Variants in CACNA2D1 observed in about 807,000 individuals in gnomAD.
The protein encoded by CACNA2D1 is voltage-dependent calcium channel subunit alpha-2/delta-1.
A neutral mutation model predicts 171.5 loss-of-function variants in CACNA2D1; 53 were observed. The ratio of observed to expected loss-of-function variants is 0.31; its 90% CI spans 0.25 to 0.39. CACNA2D1 has a LOEUF of 0.39. Among genes scored for constraint, CACNA2D1 ranks in the 10% least tolerant of loss-of-function variants. The probability of loss-of-function intolerance (pLI) is 1.00; values close to 1 mark genes in which losing one functional copy is unlikely to be tolerated. For synonymous variants in CACNA2D1, 442 were observed against 443.1 expected, an observed-to-expected ratio of 1.00 and a Z score of 0.03; for missense variants, 903 against 1,299.8, an observed-to-expected ratio of 0.69 and a Z score of 4.69.
At position 82,044,068 on chromosome 7, in the gene CACNA2D1, T is replaced by C. The variant is rs548395806; in HGVS notation, c.880-5833A>G. On this transcript the variant is annotated intron_variant, in intron 10 of 38. Coordinates refer to ENST00000356860, the MANE Select transcript of CACNA2D1 (RefSeq NM_000722.4). ...TTAAAATTATTTTTAGTTTTAAAAATGAGAAAGGGTCTTACTATTTTGCCC... is the reference window on the plus strand; with the variant it reads ...TTAAAATTATTTTTAGTTTTAAAAACGAGAAAGGGTCTTACTATTTTGCCC... Among the ~76,000 whole-genome samples the C allele has an allele frequency of 2.4e-4, 36 of 152,168 alleles. 1 individual carries two copies. Among genetic ancestry groups the C allele is most frequent in the Non-Finnish European group, 4.9e-4 (33 of 68,018 alleles).
chr7:82,108,416 G>A (rs371743037), intron 6 of CACNA2D1, among the ~76,000 whole-genome samples: 21 of 152,210 alleles, frequency 1.4e-4, no homozygotes, highest in African/African-American at 4.8e-4. Flanking sequence ...TTCAGATTGA[G>A]GCCCGCTTTT....
intron 3 of CACNA2D1, among the ~76,000 whole-genome samples, chr7:82,295,854 C>G (rs1199256486): frequency 6.6e-6 from 1 of 151,866 alleles, no homozygotes; most frequent in African/African-American, 2.4e-5. Context: ...GACTTGGAAC[C>G]AACCCAAATG....
intron 24 of CACNA2D1, among the ~76,000 whole-genome samples, chr7:81,981,510 A>T (rs1796444094): frequency 6.6e-6 from 1 of 152,218 alleles, no homozygotes; most frequent in Non-Finnish European, 1.5e-5. Context: ...TCCTTTTGCA[A>T]GAATTAAAGG....
At chr7:82,325,784 C>A (rs1339152410) in intron 3 of CACNA2D1, among the ~76,000 whole-genome samples, 2 of 152,144 alleles carry the variant, frequency 1.3e-5, no homozygotes, top group Non-Finnish European at 2.9e-5. Flanking sequence ...GTAGATACAG[C>A]AGGTCCTCGA....
chr7:81,952,463 TTCAA>T (rs150106689), intron 38 of CACNA2D1, among the ~76,000 whole-genome samples: 2 of 152,122 alleles, frequency 1.3e-5, no homozygotes, highest in Non-Finnish European at 2.9e-5. Flanking sequence ...AAATTTTAGT[TTCAA>T]TCAATTTACA....
At chr7:82,084,417 C>T (rs1019776570) in intron 7 of CACNA2D1, among the ~76,000 whole-genome samples, 4 of 152,124 alleles carry the variant, frequency 2.6e-5, no homozygotes, top group African/African-American at 9.7e-5. Context: ...CAATTCAATT[C>T]TCTAATGTGA....
rs565593468 is a variant in CACNA2D1 at position 82,434,591 on chromosome 7, T to A, written c.95+8774A>T. Reference sequence around the variant, plus strand: ...TCTATGTGTCCACGTGTTCTCATTATGTTGTTCCACTTTATAAGTGAGAAC... The same window carrying A: ...TCTATGTGTCCACGTGTTCTCATTAAGTTGTTCCACTTTATAAGTGAGAAC... On this transcript the variant is annotated intron_variant, in intron 1 of 38. Transcript: ENST00000356860. Among the ~76,000 whole-genome samples, 5 of 152,354 alleles carry A rather than the reference T, an allele frequency of 3.3e-5. No individual in the cohort carries two copies. In the South Asian group the frequency reaches 1.0e-3, roughly 32 times the overall value.
intron 9 of CACNA2D1, among the ~76,000 whole-genome samples, chr7:82,062,534 TG>T (rs1807057886): frequency 6.6e-6 from 1 of 152,066 alleles, no homozygotes; most frequent in Non-Finnish European, 1.5e-5. Context: ...CAATTATTTT[TG>T]TTATTTGTTA....
At chr7:82,083,869 C>T (rs1810114463) in intron 7 of CACNA2D1, among the ~76,000 whole-genome samples, 1 of 152,096 alleles carries the variant, frequency 6.6e-6, no homozygotes, top group Admixed American at 6.5e-5. Flanking sequence ...ACTGCTGTGA[C>T]TTTTTATATG....
intron 6 of CACNA2D1, among the ~76,000 whole-genome samples, chr7:82,108,947 C>G (rs527860790): frequency 6.6e-6 from 1 of 152,250 alleles, no homozygotes; most frequent in East Asian, 1.9e-4. Context: ...AAGCTAATCA[C>G]TTTATTACAA....
intron 4 of CACNA2D1, among the ~76,000 whole-genome samples, chr7:82,154,360 G>A (rs1794152841): frequency 6.6e-6 from 1 of 152,036 alleles, no homozygotes; most frequent in African/African-American, 2.4e-5. Flanking sequence ...GAGATAACTG[G>A]CACTCAAGTT....
intron 3 of CACNA2D1, among the ~76,000 whole-genome samples, chr7:82,309,991 T>A (rs898430114): frequency 5.9e-5 from 9 of 152,210 alleles, no homozygotes; most frequent in Admixed American, 3.9e-4. Flanking sequence ...GTATCATTTC[T>A]AAGTTAAAAA....
intron 7 of CACNA2D1, among the ~76,000 whole-genome samples, chr7:82,072,224 A>G (rs920059363): frequency 6.6e-6 from 1 of 152,108 alleles, no homozygotes; most frequent in African/African-American, 2.4e-5. Context: ...ATGGAGTACA[A>G]TTGGAATGTT....
chr7:82,053,964 T>C (rs776196274), intron 10 of CACNA2D1, among the ~76,000 whole-genome samples: 3 of 152,230 alleles, frequency 2.0e-5, no homozygotes, highest in East Asian at 1.9e-4. Flanking sequence ...AAAGTCTGTA[T>C]TAACCTGGTT....
At chr7:82,263,901 G>C (rs1807466177) in intron 3 of CACNA2D1, among the ~76,000 whole-genome samples, 2 of 151,578 alleles carry the variant, frequency 1.3e-5, no homozygotes, top group Admixed American at 1.3e-4. Context: ...TTTCCTCCAA[G>C]ACTGAGATAA....
At chr7:82,075,789 T>G (rs1488135476) in intron 7 of CACNA2D1, among the ~76,000 whole-genome samples, 3 of 152,154 alleles carry the variant, frequency 2.0e-5, no homozygotes, top group Non-Finnish European at 2.9e-5. Flanking sequence ...CATAATCAAG[T>G]ATACTGAACA....
At chr7:81,998,780 C>T (rs1357645434) in intron 18 of CACNA2D1, among the ~76,000 whole-genome samples, 1 of 151,718 alleles carries the variant, frequency 6.6e-6, no homozygotes, top group Non-Finnish European at 1.5e-5. Flanking sequence ...CATCTTACTG[C>T]GTGAAAAGGA....
intron 3 of CACNA2D1, among the ~76,000 whole-genome samples, chr7:82,302,383 C>G (rs532222439): frequency 4.3e-4 from 65 of 151,346 alleles, no homozygotes; most frequent in African/African-American, 1.5e-3. Flanking sequence ...TTGAAATACA[C>G]AAATCCTCAT....
intron 1 of CACNA2D1, among the ~76,000 whole-genome samples, chr7:82,406,710 C>A (rs1254025176): frequency 6.6e-6 from 1 of 152,170 alleles, no homozygotes; most frequent in Non-Finnish European, 1.5e-5. Flanking sequence ...AGTGTCTGTT[C>A]ATATCCTTCA....
Sources: allele counts gnomAD v4.1 joint callset (sites outside exome capture counted in the v4.1 genomes callset), GRCh38; gene constraint gnomAD v4.1.1; transcripts MANE v1.5; gene names NCBI Gene and HGNC (gene_info 2026-07-23, HGNC 2026-07-21).